Variants in BAALC observed in about 807,000 individuals in gnomAD.
BAALC encodes the protein brain and acute leukemia cytoplasmic protein.
BAALC carries 9 observed loss-of-function variants against 15.5 expected under a neutral mutation model. The ratio of observed to expected loss-of-function variants is 0.58; its 90% confidence interval spans 0.35 to 1.02. The LOEUF (loss-of-function observed/expected upper bound fraction) is 1.02, where lower values mean the gene tolerates loss of function less well. Ranked by LOEUF, BAALC falls within the 50% of genes least tolerant of loss-of-function variation. The pLI is 0.02. For missense variants in BAALC, 201 were observed against 192.4 expected (o/e 1.04, Z -0.27); for synonymous variants, 80 against 74.6 (o/e 1.07, Z -0.37).
At position 103,199,655 on chromosome 8, in the gene BAALC, CT is replaced by C. The variant is rs142481361; in HGVS notation, c.161-13253del. Among the ~76,000 whole-genome samples the C allele has an allele frequency of 4.8e-3, 706 of 146,206 alleles. 3 individuals carry two copies. Among genetic ancestry groups the C allele is most frequent in the African/African-American group, 0.014 (557 of 40,160 alleles). Reference sequence around the variant, plus strand: ...TAAAGATGTATCATCTAATTTCTTTCTTTTTTTTTTTAACTTTTAAGTTCAG... The same window carrying C: ...TAAAGATGTATCATCTAATTTCTTTCTTTTTTTTTTAACTTTTAAGTTCAG... On this transcript the variant is annotated intron_variant, in intron 1 of 2. Coordinates refer to ENST00000309982, the MANE Select transcript of BAALC (RefSeq NM_024812.3).
At chr8:103,222,204 T>TA (rs756718744) in intron 2 of BAALC, among the ~76,000 whole-genome samples, 4 of 152,154 alleles carry the variant, frequency 2.6e-5, no homozygotes, top group Non-Finnish European at 5.9e-5. Flanking sequence ...GAGCAGGTTG[T>TA]AAATTTTTTA....
chr8:103,190,597 T>C (rs1330330225), intron 1 of BAALC, among the ~76,000 whole-genome samples: 3 of 152,220 alleles, frequency 2.0e-5, no homozygotes, highest in African/African-American at 7.2e-5. Context: ...TTGCTTTTCT[T>C]TGAAAAAAGC....
At chr8:103,223,315 AAAAC>A (rs149508760) in intron 2 of BAALC, among the ~76,000 whole-genome samples, 25,147 of 152,052 alleles carry the variant, frequency 0.17, 2,329 homozygotes, top group Middle Eastern at 0.29. Context: ...AAAACAAAAC[AAAAC>A]AAACAAACAA....
intron 1 of BAALC, among the ~76,000 whole-genome samples, chr8:103,175,782 T>C (rs906587830): frequency 2.0e-5 from 3 of 152,182 alleles, no homozygotes; most frequent in Non-Finnish European, 2.9e-5. Context: ...GGTGGAGAAG[T>C]CCTGCCTTGC....
chr8:103,211,427 A>T (rs1244086350), intron 1 of BAALC, among the ~76,000 whole-genome samples: 1 of 152,118 alleles, frequency 6.6e-6, no homozygotes, highest in Non-Finnish European at 1.5e-5. Flanking sequence ...AATATCTCTG[A>T]TTGAACATTT....
intron 2 of BAALC, among the ~76,000 whole-genome samples, chr8:103,223,081 T>C (rs941706546): frequency 4.6e-5 from 7 of 152,144 alleles, no homozygotes; most frequent in Non-Finnish European, 7.4e-5. Context: ...GGGAGGCTGA[T>C]GCGGGTGGAC....
At chr8:103,175,450 C>T (rs1811587277) in intron 1 of BAALC, among the ~76,000 whole-genome samples, 1 of 152,160 alleles carries the variant, frequency 6.6e-6, no homozygotes, top group African/African-American at 2.4e-5. Context: ...AGGTTCCTGA[C>T]ATGATTCCTC....
intron 2 of BAALC, among the ~76,000 whole-genome samples, chr8:103,222,201 T>C (rs1370780808): frequency 6.6e-6 from 1 of 152,112 alleles, no homozygotes; most frequent in African/African-American, 2.4e-5. Flanking sequence ...AGAGAGCAGG[T>C]TGTAAATTTT....
chr8:103,209,457 A>T (rs1812401487), intron 1 of BAALC, among the ~76,000 whole-genome samples: 1 of 152,160 alleles, frequency 6.6e-6, no homozygotes, highest in South Asian at 2.1e-4. Context: ...CCCATTCAGC[A>T]GCCCCAAGGG....
intron 1 of BAALC, among the ~76,000 whole-genome samples, chr8:103,179,904 T>G (rs1230019972): frequency 6.6e-6 from 1 of 152,192 alleles, no homozygotes; most frequent in Non-Finnish European, 1.5e-5. Context: ...GGGAGTCTGA[T>G]GAGGACCAGA....
chr8:103,218,445 C>G (rs1440688053), intron 2 of BAALC, among the ~76,000 whole-genome samples: 1 of 152,064 alleles, frequency 6.6e-6, no homozygotes, highest in African/African-American at 2.4e-5. Context: ...CGAGAGGCAG[C>G]GCTGTAGTTG....
chr8:103,202,761 A>G (rs530558299), intron 1 of BAALC: 1 of 152,358 alleles, frequency 6.6e-6, no homozygotes, highest in South Asian at 2.1e-4. Context: ...CCGAGTTGGG[A>G]CACCCCACAG....
chr8:103,151,877 T>G (rs1810994674), intron 1 of BAALC, among the ~76,000 whole-genome samples: 1 of 152,132 alleles, frequency 6.6e-6, no homozygotes. Context: ...TTCCTCCTAG[T>G]CTGTCCATTT....
At chr8:103,213,571 T>A (rs1179720035) in intron 2 of BAALC, 1 of 154,280 alleles carries the variant, frequency 6.5e-6, no homozygotes, top group African/African-American at 2.4e-5. Flanking sequence ...GACAGCATCA[T>A]CCCCAGACTG....
chr8:103,215,520 C>T (rs1812536557), intron 2 of BAALC, among the ~76,000 whole-genome samples: 1 of 152,170 alleles, frequency 6.6e-6, no homozygotes, highest in Admixed American at 6.5e-5. Context: ...CCACCATGGT[C>T]AGCTGTAACT....
At chr8:103,141,548 G>A (rs1260431133) in intron 1 of BAALC, 1 of 154,468 alleles carries the variant, frequency 6.5e-6, no homozygotes, top group Non-Finnish European at 1.4e-5. Flanking sequence ...TCGCCTGGGT[G>A]GAGTCTTTCT....
intron 1 of BAALC, among the ~76,000 whole-genome samples, chr8:103,179,804 A>G (rs780149246): frequency 8.5e-5 from 13 of 152,250 alleles, no homozygotes; most frequent in Non-Finnish European, 1.5e-4. Context: ...ATAAGGATGT[A>G]GGCAAATAAT....
chr8:103,178,876 AAG>A (rs1491197315), intron 1 of BAALC, among the ~76,000 whole-genome samples: 1,747 of 150,368 alleles, frequency 0.012, 31 homozygotes, highest in African/African-American at 0.039. Context: ...AAAAAAAAAA[AAG>A]TTAATTTAAA....
At chr8:103,143,147 T>C (rs900302198) in intron 1 of BAALC, among the ~76,000 whole-genome samples, 1 of 152,198 alleles carries the variant, frequency 6.6e-6, no homozygotes, top group African/African-American at 2.4e-5. Context: ...GCTTGACTTC[T>C]GTGGGTTTTT....
Sources: allele counts gnomAD v4.1 joint callset (sites outside exome capture counted in the v4.1 genomes callset), GRCh38; gene constraint gnomAD v4.1.1; transcripts MANE v1.5; gene names NCBI Gene and HGNC (gene_info 2026-07-23, HGNC 2026-07-21).